Variants in CFLAR observed in about 807,000 individuals in gnomAD.
CFLAR encodes CASP8 and FADD-like apoptosis regulator.
In CFLAR, 14 loss-of-function variants were observed where a neutral mutation model predicts 51.1. The observed-to-expected ratio is 0.27, with a 90% CI of 0.18 to 0.43. The LOEUF is 0.43. Ranked by LOEUF, CFLAR falls within the 20% of genes least tolerant of loss-of-function variation. CFLAR has a pLI of 1.00. For synonymous variants in CFLAR, 210 were observed against 211.6 expected (o/e 0.99, Z 0.06); for missense variants, 390 against 566.5 (o/e 0.69, Z 3.16).
Position 201,138,863 on chromosome 2 carries a change from C to G in CFLAR, c.524-1494C>G, listed in dbSNP as rs1937607685. The G allele has an allele frequency of 2.8e-6, 2 of 717,650 alleles. No homozygotes were observed. Among genetic ancestry groups the G allele is most frequent in the African/African-American group, 1.7e-5 (1 of 57,714 alleles). The allele number at this position is 717,650 out of a possible 1,614,324, so 44.5% of individuals were successfully genotyped here. On this transcript the variant is annotated intron_variant, in intron 4 of 9. Transcript: ENST00000309955. This position sits in a 1 kb window ranked among gnomAD's most constrained non-coding sequence, Gnocchi z 4.0. The stretch of plus-strand genomic sequence containing the variant: ...TCACAGTGTCCATGGGGGAGGAGAT[C>G]AGCGGCGTCTTCAGAGTGACCATTG...
In CFLAR at chr2:201,144,506, GC is replaced by G. The variant is rs367544321; in HGVS notation, c.607-871del. ...TGGCACTGTGCTGAGTGCTTTGTGTGCATTTAATCTTCATACAAAATCTGTA... is the reference window on the plus strand; with the variant it reads ...TGGCACTGTGCTGAGTGCTTTGTGTGATTTAATCTTCATACAAAATCTGTA... On this transcript the variant is annotated intron_variant, in intron 5 of 9. Transcript: ENST00000309955. 6.2e-3 allele frequency among the ~76,000 whole-genome samples: 940 copies of G among 152,316 alleles called. 11 individuals carry two copies. The highest frequency in any genetic ancestry group is 0.02 in the African/African-American group (849 of 41,576).
At chr2:201,145,554 A>C (rs966289181) in intron 6 of CFLAR, 122 bp downstream of exon 6, 9 of 686,590 alleles carry the variant, frequency 1.3e-5, no homozygotes, top group Non-Finnish European at 2.1e-5. Flanking sequence ...TCTCAAAATA[A>C]AAACTGGTTA....
rs936023754 is a variant in CFLAR at position 201,168,579 on chromosome 2, C to T, written c.*4606C>T. On this transcript the variant is annotated 3_prime_UTR_variant, in exon 10 of 10. Transcript: ENST00000309955. ...AACTGGCACAAGACAGGGATGCCGTCTCACCACTCCTATTTAACATAGTAT... is the reference window on the plus strand; with the variant it reads ...AACTGGCACAAGACAGGGATGCCGTTTCACCACTCCTATTTAACATAGTAT... 3.3e-5 allele frequency: 5 copies of T among 152,162 alleles called. No homozygotes were observed. The highest frequency in any genetic ancestry group is 1.3e-4 in the Admixed American group (2 of 15,262). The allele number at this position is 152,162 out of a possible 1,614,324, so 9.4% of individuals were successfully genotyped here. A position where few individuals can be genotyped will look rare whatever the true frequency, so the allele number is the denominator to read the frequency against.
Position 201,160,557 on chromosome 2 carries a change from A to T in CFLAR, c.919A>T (p.Ser307Cys). 6.2e-7 allele frequency: 1 copy of T among 1,613,900 alleles called. No homozygotes were observed. Among genetic ancestry groups the T allele is most frequent in the Non-Finnish European group, 8.5e-7 (1 of 1,179,970 alleles). Residue 307 changes from serine (S) to cysteine (C), a missense_variant, in exon 9 of 10, where the codon AGC becomes TGC. Ser to Cys is a moderately radical substitution (Grantham distance 112, BLOSUM62 -1). This residue lies in a region of CFLAR where 287 missense variants were observed against 363.6 expected (regional missense o/e 0.79). Coordinates refer to ENST00000309955, the MANE Select transcript of CFLAR (RefSeq NM_003879.7). ...TATGCCCGAGCACCGAGACTACGAC[A>T]GCTTTGTGTGTGTCCTGGTGAGCCG... ...ACMPEHRDYD[S>C]FVCVLVSRGG...
Position 201,129,888 on chromosome 2 carries a change from A to C in CFLAR, c.23A>C (p.Gln8Pro). The change falls in exon 2 of 10, where the codon CAG becomes CCG. Residue 8 changes from glutamine (Q) to proline (P), a missense_variant. By Grantham distance (76) the Gln-to-Pro change is moderately conservative (BLOSUM62 -1). Around this residue, in one of 2 missense-constraint regions of CFLAR, gnomAD observed 103 missense variants for 202.9 expected, o/e 0.51. Coordinates refer to ENST00000309955, the MANE Select transcript of CFLAR (RefSeq NM_003879.7). ...AGGATGTCTGCTGAAGTCATCCATC[A>C]GGTTGAAGAAGCACTTGATACAGAT... is the stretch of plus-strand genomic sequence containing the variant. MSAEVIH[Q>P]VEEALDTDEK... is the part of the protein sequence containing the mutation. 6.2e-7 allele frequency: 1 copy of C among 1,614,176 alleles called. No individual in the cohort carries two copies. Among genetic ancestry groups the C allele is most frequent in the Non-Finnish European group, 8.5e-7 (1 of 1,180,026 alleles).
chr2:201,152,586 T>A (rs1040671112), intron 8 of CFLAR, among the ~76,000 whole-genome samples: 1 of 151,976 alleles, frequency 6.6e-6, no homozygotes, highest in Non-Finnish European at 1.5e-5. Context: ...GTACATAGAG[T>A]CTGATCTCAG....
intron 3 of CFLAR, among the ~76,000 whole-genome samples, chr2:201,134,318 A>AT (rs1330568740): frequency 3.3e-5 from 5 of 150,160 alleles, no homozygotes; most frequent in Non-Finnish European, 7.4e-5. Flanking sequence ...AAAAAAAAAA[A>AT]TTTTTTTTAA....
chr2:201,174,966 AATAC>A lies in CFLAR; in HGVS notation c.*10996_*10999del, dbSNP rs1944146942. 6.6e-6 allele frequency: 1 copy of A among 152,164 alleles called. No homozygotes were observed. Among genetic ancestry groups the A allele is most frequent in the African/African-American group, 2.4e-5 (1 of 41,444 alleles). The allele number at this position is 152,164 out of a possible 1,614,324, so 9.4% of individuals were successfully genotyped here. On this transcript the variant is annotated 3_prime_UTR_variant, in exon 10 of 10. Transcript: ENST00000309955. ...TTGCTGCCCATTCTATGGTAATTAT[AATAC>A]ATTAGCACGCTAAAAGAAACTTCTA...
At chr2:201,143,343 A>G (rs1212846222) in intron 5 of CFLAR, 1 of 152,102 alleles carries the variant, frequency 6.6e-6, no homozygotes, top group African/African-American at 2.4e-5. Context: ...GTGGTGGTGC[A>G]TGCCTGTAAT....
chr2:201,145,101 C>A (rs982683019), intron 5 of CFLAR, among the ~76,000 whole-genome samples: 1 of 152,308 alleles, frequency 6.6e-6, no homozygotes, highest in East Asian at 1.9e-4. Flanking sequence ...GATCCACCCA[C>A]CTTGGCATCC....
intron 5 of CFLAR, 87 bp from the exon 6 acceptor site, chr2:201,145,291 C>T (rs1240928121): frequency 6.8e-6 from 5 of 731,144 alleles, no homozygotes; most frequent in Non-Finnish European, 1.2e-5. Flanking sequence ...AGTTAAGAAT[C>T]CTATTGAGAC....
intron 8 of CFLAR, among the ~76,000 whole-genome samples, chr2:201,155,284 A>G (rs1310658073): frequency 6.7e-6 from 1 of 150,372 alleles, no homozygotes; most frequent in Non-Finnish European, 1.5e-5. Context: ...TTTTTTTGAG[A>G]CAGAGTCTCG....
At position 201,124,356 on chromosome 2, in the gene CFLAR, G is replaced by C. The variant is rs1021496905; in HGVS notation, c.-137-5373G>C. ...TTTGTTTTGTTTTGTTTTTCGAGAC[G>C]GAGTTTCACTCTTGTTGCCCAGGCT... On this transcript the variant is annotated intron_variant, in intron 1 of 9. Coordinates refer to ENST00000309955, the MANE Select transcript of CFLAR (RefSeq NM_003879.7). The surrounding 1 kb of genome is among the most constrained non-coding windows in gnomAD (Gnocchi z 4.7). Among the ~76,000 whole-genome samples, 1 of 152,078 alleles carries C rather than the reference G, an allele frequency of 6.6e-6. No individual in the cohort carries two copies. Among genetic ancestry groups the C allele is most frequent in the African/African-American group, 2.4e-5 (1 of 41,376 alleles).
rs6733208 is a variant in CFLAR, at chr2:201,119,844, T to G, written c.-138+3363T>G. 1.3e-4 allele frequency among the ~76,000 whole-genome samples: 20 copies of G among 151,274 alleles called. No homozygotes were observed. In the East Asian group the frequency reaches 2.5e-3, roughly 19 times the overall value. ...ACCAAAGGTTTCAGTTTAATGTTTT[T>G]TTTTTTTTTTTCACACATGTGCGCT... On this transcript the variant is annotated intron_variant, in intron 1 of 9. Coordinates refer to ENST00000309955, the MANE Select transcript of CFLAR (RefSeq NM_003879.7).
chr2:201,123,230 A>T (rs961641884), intron 1 of CFLAR, among the ~76,000 whole-genome samples: 1 of 152,200 alleles, frequency 6.6e-6, no homozygotes, highest in Non-Finnish European at 1.5e-5. Context: ...GAACCAAGGA[A>T]GTTATTGGCG....
intron 4 of CFLAR, chr2:201,139,378 A>T (rs915599766): frequency 9.9e-6 from 2 of 201,400 alleles, no homozygotes; most frequent in African/African-American, 4.7e-5. Flanking sequence ...ATATGGCCTC[A>T]TGGGAAGGGA....
rs1943801208 is a variant in CFLAR, at chr2:201,168,460, T to C, written c.*4487T>C. On this transcript the variant is annotated 3_prime_UTR_variant, in exon 10 of 10. Coordinates refer to ENST00000309955, the MANE Select transcript of CFLAR (RefSeq NM_003879.7). ...TTAAAAACTCTCAATAAACTAGGTA[T>C]TGATGGAAAATATCTCAAAATAATA... 1.3e-5 allele frequency: 2 copies of C among 152,152 alleles called. No homozygotes were observed. The highest frequency in any genetic ancestry group is 4.1e-4 in the South Asian group (2 of 4,834). The allele number at this position is 152,152 out of a possible 1,614,324, so 9.4% of individuals were successfully genotyped here.
chr2:201,138,405 C>G lies in CFLAR; in HGVS notation c.524-1952C>G. The G allele has an allele frequency of 1.3e-6, 1 of 786,420 alleles. No individual in the cohort carries two copies. Among genetic ancestry groups the G allele is most frequent in the South Asian group, 1.3e-5 (1 of 74,590 alleles). 48.7% of individuals were successfully genotyped at this position (786,420 alleles called of 1,614,324 possible). ...AGCGCGGTGCAGGTGATAATGGCCA[C>G]CAGCTCATCGCGATCATTGACGATA... On this transcript the variant is annotated intron_variant, in intron 4 of 9. Coordinates refer to ENST00000309955, the MANE Select transcript of CFLAR (RefSeq NM_003879.7). This position sits in a 1 kb window ranked among gnomAD's most constrained non-coding sequence, Gnocchi z 4.0.
At position 201,130,187 on chromosome 2, in the gene CFLAR, G is replaced by GGGGGGGGGGGCA; in HGVS notation, c.281+41_281+42insGGGGGGGGGGCA. 2.7e-5 allele frequency: 8 copies of GGGGGGGGGGGCA among 292,366 alleles called. No individual in the cohort carries two copies. The East Asian group carries it at 2.8e-4, about 10-fold the overall frequency. 18.1% of individuals were successfully genotyped at this position (292,366 alleles called of 1,614,324 possible). On this transcript the variant is annotated intron_variant, in intron 2 of 9. Transcript: ENST00000309955. ...TTCCTGAGGCTGGGTGGGTGGGAGG[G>GGGGGGGGGGGCA]AGTGAAGTGTCTCAGACTCTACTGA... is the stretch of plus-strand genomic sequence containing the variant.
Sources: allele counts gnomAD v4.1 joint callset (sites outside exome capture counted in the v4.1 genomes callset), GRCh38; gene constraint gnomAD v4.1.1; regional missense constraint gnomAD v4.1.1; non-coding constraint Gnocchi (gnomAD v3.1); transcripts MANE v1.5; gene names NCBI Gene and HGNC (gene_info 2026-07-23, HGNC 2026-07-21).